FGF12: variants seen among roughly 807,000 people sequenced by gnomAD.
The protein encoded by FGF12 is fibroblast growth factor 12B.
A neutral mutation model predicts 23.6 loss-of-function variants in FGF12; 14 were observed. The ratio of observed to expected loss-of-function variants is 0.59; its 90% CI spans 0.39 to 0.93. The LOEUF (loss-of-function observed/expected upper bound fraction) is 0.93. Among genes scored for constraint, FGF12 ranks in the 40% least tolerant of loss-of-function variants. The pLI, the probability that FGF12 is intolerant of heterozygous loss-of-function variation, is 0.00. For missense variants in FGF12, 175 were observed against 217.8 expected (o/e 0.80, Z 1.24); for synonymous variants, 62 against 77.3 (o/e 0.80, Z 1.04).
rs1011394203 is a variant in FGF12 at position 192,409,333 on chromosome 3, T to C, written c.14-48795A>G. Among the ~76,000 whole-genome samples the C allele has an allele frequency of 6.6e-6, 1 of 152,246 alleles. No homozygotes were observed. Among genetic ancestry groups the C allele is most frequent in the Admixed American group, 6.5e-5 (1 of 15,302 alleles). On this transcript the variant is annotated intron_variant, in intron 2 of 5. Transcript: ENST00000445105. The surrounding 1 kb of genome is among the most constrained non-coding windows in gnomAD (Gnocchi z 4.8). ...AGCTCGGCGCCCACACGCCTTTAACTGGAGCTCCCCGCCATGGTCCACCCG... is the reference window on the plus strand; with the variant it reads ...AGCTCGGCGCCCACACGCCTTTAACCGGAGCTCCCCGCCATGGTCCACCCG...
At chr3:192,334,414 T>A (rs1389232925) in intron 4 of FGF12, among the ~76,000 whole-genome samples, 1 of 152,064 alleles carries the variant, frequency 6.6e-6, no homozygotes, top group Non-Finnish European at 1.5e-5. Flanking sequence ...AACCTTGTGC[T>A]ATTTACTGAG....
At chr3:192,365,001 CA>C (rs770254995) in intron 2 of FGF12, among the ~76,000 whole-genome samples, 4 of 151,716 alleles carry the variant, frequency 2.6e-5, no homozygotes, top group African/African-American at 4.8e-5. Context: ...GATCTTCCTC[CA>C]AAAAACCCAC....
chr3:192,307,380 T>A (rs563057718), intron 4 of FGF12, among the ~76,000 whole-genome samples: 3 of 152,184 alleles, frequency 2.0e-5, no homozygotes, highest in Non-Finnish European at 1.5e-5. Context: ...AGTTCTAATA[T>A]CAGAGATAGC....
intron 2 of FGF12, among the ~76,000 whole-genome samples, chr3:192,708,011 G>C (rs1186338367): frequency 1.3e-5 from 2 of 152,218 alleles, no homozygotes; most frequent in South Asian, 4.2e-4. Flanking sequence ...CCAGGCTGGA[G>C]TGCTGTGGCG....
intron 2 of FGF12, among the ~76,000 whole-genome samples, chr3:192,471,080 C>T (rs1330763998): frequency 2.0e-5 from 3 of 152,202 alleles, no homozygotes; most frequent in Non-Finnish European, 4.4e-5. Context: ...ACTCTCTCCC[C>T]ACTAGAATGT....
chr3:192,605,763 A>G (rs1714314163), intron 2 of FGF12, among the ~76,000 whole-genome samples: 1 of 152,210 alleles, frequency 6.6e-6, no homozygotes, highest in Admixed American at 6.5e-5. Flanking sequence ...ACAAACATGA[A>G]AAAAATGTTC....
rs1387475902 is a variant in FGF12, at chr3:192,408,137, G to A, written c.14-47599C>T. 2 of 1,612,340 alleles carry A rather than the reference G, an allele frequency of 1.2e-6. No individual in the cohort carries two copies. Among genetic ancestry groups the A allele is most frequent in the Non-Finnish European group, 1.7e-6 (2 of 1,179,984 alleles). On this transcript the variant is annotated intron_variant, in intron 2 of 5. Transcript: ENST00000445105. This position sits in a 1 kb window ranked among gnomAD's most constrained non-coding sequence, Gnocchi z 7.3. The stretch of plus-strand genomic sequence containing the variant: ...GCCCGTCTTTGCTGGGGCTGGAGCG[G>A]CGCTTGGAGGCCGACACTCGGTCGC...
At chr3:192,646,014 T>C (rs193113339) in intron 2 of FGF12, among the ~76,000 whole-genome samples, 70 of 152,080 alleles carry the variant, frequency 4.6e-4, no homozygotes, top group African/African-American at 1.6e-3. Context: ...GAAAGCCTGA[T>C]AAAGGGTTAG....
At chr3:192,377,738 C>A (rs886424648) in intron 2 of FGF12, among the ~76,000 whole-genome samples, 15 of 152,166 alleles carry the variant, frequency 9.9e-5, no homozygotes, top group African/African-American at 3.4e-4. Flanking sequence ...CAGGGCCAGA[C>A]ACTATGCAAG....
In FGF12 at chr3:192,533,993, G is replaced by GTTT. The variant is rs71896275; in HGVS notation, c.14-173458_14-173456dup. On this transcript the variant is annotated intron_variant, in intron 2 of 5. Coordinates refer to ENST00000445105, the MANE Select transcript of FGF12 (RefSeq NM_004113.6). The stretch of plus-strand genomic sequence containing the variant: ...ATGTGAATTTTTATAAGATGACAGG[G>GTTT]TTTTTTTTTTTTTCATATCAGATGG... The GTTT allele has an allele frequency of 1.8e-4, 26 of 145,778 alleles. No individual in the cohort carries two copies. In the South Asian group the frequency reaches 4.9e-3, roughly 27 times the overall value. The allele number at this position is 145,778 out of a possible 1,614,324, so 9.0% of individuals were successfully genotyped here. A position where few individuals can be genotyped will look rare whatever the true frequency, so the allele number is the denominator to read the frequency against.
At chr3:192,393,036 A>C (rs1177409190) in intron 2 of FGF12, among the ~76,000 whole-genome samples, 1 of 152,214 alleles carries the variant, frequency 6.6e-6, no homozygotes, top group Non-Finnish European at 1.5e-5. Context: ...AGTGTATGTG[A>C]AGATGGCTCT....
At chr3:192,454,063 G>A (rs2108803154) in intron 2 of FGF12, among the ~76,000 whole-genome samples, 1 of 151,602 alleles carries the variant, frequency 6.6e-6, no homozygotes, top group Admixed American at 6.6e-5. Flanking sequence ...TTTTGAGATG[G>A]AGTCTAGCTC....
intron 4 of FGF12, among the ~76,000 whole-genome samples, chr3:192,241,124 G>T (rs993717339): frequency 6.6e-6 from 1 of 152,228 alleles, no homozygotes; most frequent in African/African-American, 2.4e-5. Flanking sequence ...TAAGAATTCA[G>T]GGAATACTAT....
At chr3:192,343,131 G>A (rs1717773388) in intron 3 of FGF12, among the ~76,000 whole-genome samples, 1 of 152,078 alleles carries the variant, frequency 6.6e-6, no homozygotes, top group Admixed American at 6.6e-5. Flanking sequence ...AACGAAGAAA[G>A]GTATAAAAGA....
In FGF12 at chr3:192,360,593, T is replaced by C; in HGVS notation, c.14-55A>G. On this transcript the variant is annotated intron_variant, in intron 2 of 5. Transcript: ENST00000445105. This position sits in a 1 kb window ranked among gnomAD's most constrained non-coding sequence, Gnocchi z 4.3. ...TATTTGGCTTACACAAATGCACACT[T>C]ACAGATTGTTAAAAACATCCTGTAA... is the stretch of plus-strand genomic sequence containing the variant. The C allele has an allele frequency of 8.4e-7, 1 of 1,183,804 alleles. No homozygotes were observed. Among genetic ancestry groups the C allele is most frequent in the Non-Finnish European group, 1.3e-6 (1 of 789,612 alleles). The allele number at this position is 1,183,804 out of a possible 1,614,324, so 73.3% of individuals were successfully genotyped here. A position where few individuals can be genotyped will look rare whatever the true frequency, so the allele number is the denominator to read the frequency against.
intron 4 of FGF12, among the ~76,000 whole-genome samples, chr3:192,210,767 T>C (rs1261927645): frequency 6.6e-6 from 1 of 152,192 alleles, no homozygotes. Flanking sequence ...ATGTAATAAA[T>C]ATTATATTGG....
chr3:192,585,859 A>G (rs554839381), intron 2 of FGF12, among the ~76,000 whole-genome samples: 74 of 152,304 alleles, frequency 4.9e-4, no homozygotes, highest in African/African-American at 1.7e-3. Context: ...GATTACTTAT[A>G]CTTAGTCGAA....
intron 2 of FGF12, among the ~76,000 whole-genome samples, chr3:192,491,770 A>G (rs573856044): frequency 3.1e-4 from 47 of 152,262 alleles, no homozygotes; most frequent in African/African-American, 1.0e-3. Flanking sequence ...CTAGAAAATT[A>G]TAATTATTGT....
At chr3:192,321,985 A>G (rs1716563936) in intron 4 of FGF12, among the ~76,000 whole-genome samples, 1 of 152,156 alleles carries the variant, frequency 6.6e-6, no homozygotes, top group Non-Finnish European at 1.5e-5. Context: ...CAGACAAGAG[A>G]AAGAAATAAA....
Sources: gnomAD v4.1 joint callset for allele counts (sites outside exome capture counted in the v4.1 genomes callset) on GRCh38, gnomAD v4.1.1 for gene constraint, Gnocchi (gnomAD v3.1) non-coding constraint, MANE v1.5 for transcripts, NCBI Gene and HGNC (gene_info 2026-07-23, HGNC 2026-07-21) for gene names.